DAB2IP: variants seen among roughly 807,000 people sequenced by gnomAD.
The protein encoded by DAB2IP is disabled homolog 2-interacting protein.
In DAB2IP, 28 loss-of-function variants were observed where a neutral mutation model predicts 107.2. That is an observed-to-expected ratio of 0.26 (90% CI 0.19 to 0.36). The LOEUF is 0.36. DAB2IP is among the 10% of genes least tolerant of loss of function. DAB2IP has a pLI of 1.00. For missense variants in DAB2IP, 1,400 were observed against 1,644.7 expected, an observed-to-expected ratio of 0.85 and a Z score of 2.57; for synonymous variants, 755 against 706.4, an observed-to-expected ratio of 1.07 and a Z score of -1.09.
intron 1 of DAB2IP, among the ~76,000 whole-genome samples, chr9:121,625,530 G>A (rs1171881739): frequency 4.6e-5 from 7 of 152,176 alleles, no homozygotes; most frequent in Non-Finnish European, 5.9e-5. Flanking sequence ...CCAGAGTGCT[G>A]GGATTATAGG....
intron 1 of DAB2IP, among the ~76,000 whole-genome samples, chr9:121,668,526 A>C (rs1002953230): frequency 6.6e-6 from 1 of 152,192 alleles, no homozygotes; most frequent in Non-Finnish European, 1.5e-5. Context: ...GGTGTGAGCC[A>C]CTGCACCCAG....
At position 121,778,127 on chromosome 9, in the gene DAB2IP, T is replaced by C. The variant is rs1189204297; in HGVS notation, c.3314+1736T>C. 3.3e-5 allele frequency among the ~76,000 whole-genome samples: 5 copies of C among 152,352 alleles called. No homozygotes were observed. In the East Asian group the frequency reaches 7.7e-4, roughly 24 times the overall value. On this transcript the variant is annotated intron_variant, in intron 14 of 15. Transcript: ENST00000408936. Reference sequence around the variant, plus strand: ...AAATGCCAGCAGATTCAGGGTATAGTGACTCTCTGCTTCATATTATAGTGC... The same window carrying C: ...AAATGCCAGCAGATTCAGGGTATAGCGACTCTCTGCTTCATATTATAGTGC...
chr9:121,639,611 C>A (rs1432479432), intron 1 of DAB2IP, among the ~76,000 whole-genome samples: 1 of 152,194 alleles, frequency 6.6e-6, no homozygotes, highest in Admixed American at 6.5e-5. Flanking sequence ...GGGGGCCTCA[C>A]TGTGGGTCAG....
chr9:121,781,866 G>C (rs1424269203), intron 15 of DAB2IP, among the ~76,000 whole-genome samples: 1 of 152,152 alleles, frequency 6.6e-6, no homozygotes, highest in Non-Finnish European at 1.5e-5. Flanking sequence ...CTGGTCAGAG[G>C]GAGCAGTGGG....
At chr9:121,583,274 C>T (rs1037738421) in intron 1 of DAB2IP, among the ~76,000 whole-genome samples, 5 of 152,202 alleles carry the variant, frequency 3.3e-5, no homozygotes, top group Middle Eastern at 3.4e-3. Context: ...CTGTGGTGTC[C>T]CAGCAACTTG....
intron 1 of DAB2IP, among the ~76,000 whole-genome samples, chr9:121,617,888 T>C (rs1238706843): frequency 6.6e-6 from 1 of 152,202 alleles, no homozygotes; most frequent in Non-Finnish European, 1.5e-5. Flanking sequence ...AGCCGGTTTC[T>C]CTGGTTCCAT....
intron 10 of DAB2IP, among the ~76,000 whole-genome samples, chr9:121,770,113 C>G (rs1191770069): frequency 6.6e-6 from 1 of 152,222 alleles, no homozygotes; most frequent in Non-Finnish European, 1.5e-5. Flanking sequence ...GGACCATCTC[C>G]ACTGGGGCTC....
At position 121,621,880 on chromosome 9, in the gene DAB2IP, C is replaced by G. The variant is rs1285634096; in HGVS notation, c.40+54652C>G. On this transcript the variant is annotated intron_variant, in intron 1 of 16. Coordinates refer to the DAB2IP transcript ENST00000259371. ...ATATTGGCCAGGCTGGTCTCGAACT[C>G]CTGACCTCAAGTGATCTGCCTGCCT... Among the ~76,000 whole-genome samples the G allele has an allele frequency of 6.6e-5, 10 of 151,664 alleles. No homozygotes were observed. The East Asian group carries it at 1.9e-3, about 29-fold the overall frequency.
At chr9:121,646,640 C>A (rs1832549137), upstream of DAB2IP, among the ~76,000 whole-genome samples, 1 of 151,956 alleles carries the variant, frequency 6.6e-6, no homozygotes, top group Non-Finnish European at 1.5e-5. Context: ...CTCATCCCAA[C>A]AGGAAACCTG....
At position 121,776,770 on chromosome 9, in the gene DAB2IP, G is replaced by A. The variant is rs1176938176; in HGVS notation, c.3314+379G>A. Among the ~76,000 whole-genome samples the A allele has an allele frequency of 1.3e-5, 2 of 152,140 alleles. No individual in the cohort carries two copies. The highest frequency in any genetic ancestry group is 2.9e-5 in the Non-Finnish European group (2 of 68,022). On this transcript the variant is annotated intron_variant, in intron 14 of 15. Coordinates refer to ENST00000408936, the Ensembl canonical transcript of DAB2IP. This position sits in a 1 kb window ranked among gnomAD's most constrained non-coding sequence, Gnocchi z 5.4. ...TACAGGGTAAGAAAAGTGGGAATGA[G>A]TCTCAGTTACGTATAGTAGATGAAG...
At chr9:121,667,652 A>G (rs535243372) in intron 1 of DAB2IP, among the ~76,000 whole-genome samples, 1 of 147,878 alleles carries the variant, frequency 6.8e-6, no homozygotes, top group Admixed American at 6.7e-5. Flanking sequence ...CACCACACCC[A>G]GCTAATTTTT....
At chr9:121,583,442 CAG>C (rs1380585494) in intron 1 of DAB2IP, among the ~76,000 whole-genome samples, 3 of 152,086 alleles carry the variant, frequency 2.0e-5, no homozygotes, top group African/African-American at 4.8e-5. Flanking sequence ...AAATGGGTAA[CAG>C]GGGTAGGGGA....
intron 3 of DAB2IP, among the ~76,000 whole-genome samples, chr9:121,718,888 C>T (rs1830763266): frequency 6.6e-6 from 1 of 152,178 alleles, no homozygotes; most frequent in African/African-American, 2.4e-5. Flanking sequence ...TGGCTCTGCT[C>T]CCCCTCCCCC....
exon 4 of DAB2IP, chr9:121,757,160 C>T (rs1833556767): frequency 1.2e-6 from 2 of 1,613,700 alleles, no homozygotes; most frequent in Admixed American, 1.7e-5. Context: ...AGGACTACTG[C>T]TTCGAGGTGG....
intron 1 of DAB2IP, among the ~76,000 whole-genome samples, chr9:121,581,085 G>A (rs1387682324): frequency 1.3e-5 from 2 of 152,220 alleles, no homozygotes; most frequent in Non-Finnish European, 2.9e-5. Flanking sequence ...GTTTCAGGCA[G>A]GGGAGGAACA....
intron 3 of DAB2IP, among the ~76,000 whole-genome samples, chr9:121,733,349 G>C (rs1831657724): frequency 6.6e-6 from 1 of 152,264 alleles, no homozygotes. Flanking sequence ...TACAGGCGTT[G>C]CCTGGAGGTA....
intron 1 of DAB2IP, among the ~76,000 whole-genome samples, chr9:121,616,009 C>T (rs1046229244): frequency 6.6e-5 from 10 of 152,134 alleles, no homozygotes; most frequent in Non-Finnish European, 1.3e-4. Flanking sequence ...TGTCCCTGGG[C>T]CCATGTGTAA....
chr9:121,653,153 T>C (rs112331994), intron 1 of DAB2IP, among the ~76,000 whole-genome samples: 4 of 132,090 alleles, frequency 3.0e-5, no homozygotes, highest in South Asian at 2.6e-4. Flanking sequence ...AGTACAGAAT[T>C]AACAGTACTA....
intron 1 of DAB2IP, among the ~76,000 whole-genome samples, chr9:121,677,953 T>C (rs370765199): frequency 1.3e-4 from 20 of 152,132 alleles, no homozygotes; most frequent in African/African-American, 4.3e-4. Context: ...TGAGCCACTG[T>C]GCCAGGCCTT....
Sources: gnomAD v4.1 joint callset for allele counts (sites outside exome capture counted in the v4.1 genomes callset) on GRCh38, gnomAD v4.1.1 for gene constraint, Gnocchi (gnomAD v3.1) non-coding constraint, MANE v1.5 for transcripts, NCBI Gene and HGNC (gene_info 2026-07-23, HGNC 2026-07-21) for gene names.